Variants in CIPC observed in about 807,000 individuals in gnomAD.
CIPC encodes the protein CLOCK-interacting pacemaker.
In CIPC, 12 loss-of-function variants were observed where a neutral mutation model predicts 26.7. That is an observed-to-expected ratio of 0.45 (90% CI 0.29 to 0.73). The LOEUF (loss-of-function observed/expected upper bound fraction) is 0.73, where lower values mean the gene tolerates loss of function less well. Among genes scored for constraint, CIPC ranks in the 30% least tolerant of loss-of-function variants. The pLI is 0.12. For synonymous variants in CIPC, 170 were observed against 189.8 expected (o/e 0.90, Z 0.86); for missense variants, 417 against 486.5 (o/e 0.86, Z 1.34).
chr14:77,114,384 T>C lies in CIPC; in HGVS notation c.*66T>C. 1 of 1,467,362 alleles carries C rather than the reference T, an allele frequency of 6.8e-7. No individual in the cohort carries two copies. The highest frequency in any genetic ancestry group is 9.2e-7 in the Non-Finnish European group (1 of 1,088,446). The allele number at this position is 1,467,362 out of a possible 1,614,324, so 90.9% of individuals were successfully genotyped here. A position where few individuals can be genotyped will look rare whatever the true frequency, so the allele number is the denominator to read the frequency against. On this transcript the variant is annotated 3_prime_UTR_variant, in exon 4 of 4. Coordinates refer to ENST00000361786, the MANE Select transcript of CIPC (RefSeq NM_033426.3). ...GCTCATTTGCTGTTACCTACTCCTG[T>C]TTCCCAAAGCTTATGTAAGAGCTTT...
chr14:77,103,276 T>C (rs190937407), intron 1 of CIPC, among the ~76,000 whole-genome samples: 5 of 152,372 alleles, frequency 3.3e-5, no homozygotes, highest in Non-Finnish European at 1.5e-5. Context: ...CCTTGTCTTC[T>C]ATTTAATTTT....
intron 2 of CIPC, 39 bp from the exon 3 acceptor site, chr14:77,109,771 GTC>G: frequency 6.3e-7 from 1 of 1,582,638 alleles, no homozygotes; most frequent in Middle Eastern, 1.7e-4. Context: ...AGAGCCCCTA[GTC>G]TAGAGCCTGA....
intron 3 of CIPC, among the ~76,000 whole-genome samples, chr14:77,110,558 T>C (rs1234842372): frequency 6.6e-6 from 1 of 152,180 alleles, no homozygotes; most frequent in Non-Finnish European, 1.5e-5. Flanking sequence ...CACATCCTGT[T>C]TGGGGCTTTA....
At chr14:77,101,532 A>G (rs80309345) in intron 1 of CIPC, among the ~76,000 whole-genome samples, 5,823 of 152,268 alleles carry the variant, frequency 0.038, 158 homozygotes, top group Middle Eastern at 0.082. Flanking sequence ...ACTCCCCAGG[A>G]TCTAAATTTA....
In CIPC at chr14:77,109,806, C is replaced by T. The variant is rs1886658999; in HGVS notation, c.137-6C>T. 1 of 1,608,866 alleles carries T rather than the reference C, an allele frequency of 6.2e-7. No individual in the cohort carries two copies. Among genetic ancestry groups the T allele is most frequent in the Non-Finnish European group, 8.5e-7 (1 of 1,176,042 alleles). On this transcript the variant is annotated splice_polypyrimidine_tract_variant and splice_region_variant and intron_variant, in intron 2 of 3. Transcript: ENST00000361786. ...TGAGTGAGTTGACCATTCTTCTGCC[C>T]ACCAGATGGGAGCTCGGAATGTCTG...
Position 77,113,708 on chromosome 14 carries a change from T to G in CIPC, c.590T>G (p.Leu197Trp). 1 of 1,612,578 alleles carries G rather than the reference T, an allele frequency of 6.2e-7. No homozygotes were observed. Among genetic ancestry groups the G allele is most frequent in the East Asian group, 2.2e-5 (1 of 44,852 alleles). ...KICTERLGPS[L>W]SSSEPTKAGA... The stretch of plus-strand genomic sequence containing the variant: ...TGTACTGAGAGACTTGGGCCTAGCT[T>G]GTCTTCCAGTGAGCCAACCAAGGCT... Residue 197 changes from leucine (L) to tryptophan (W), a missense_variant, in exon 4 of 4, where the codon TTG (leucine) becomes TGG (tryptophan). Physicochemically the swap from Leu to Trp is moderately conservative, Grantham distance 61. Transcript: ENST00000361786.
At chr14:77,104,876 A>G (rs1012045543) in intron 1 of CIPC, among the ~76,000 whole-genome samples, 1 of 152,250 alleles carries the variant, frequency 6.6e-6, no homozygotes. Flanking sequence ...GTCCTTGCAC[A>G]ATGCCTGATT....
intron 1 of CIPC, among the ~76,000 whole-genome samples, chr14:77,103,567 C>T (rs1269922906): frequency 6.6e-6 from 1 of 152,194 alleles, no homozygotes; most frequent in African/African-American, 2.4e-5. Context: ...TCATGCTGGC[C>T]TTACAGTTGC....
At chr14:77,100,255 T>C (rs1394103781) in intron 1 of CIPC, among the ~76,000 whole-genome samples, 1 of 150,048 alleles carries the variant, frequency 6.7e-6, no homozygotes, top group Non-Finnish European at 1.5e-5. Flanking sequence ...TTTTTTTTTT[T>C]TTTTGAGACG....
At chr14:77,113,331 AT>A in intron 3 of CIPC, 93 bp from the exon 4 acceptor site, 1 of 1,327,434 alleles carries the variant, frequency 7.5e-7, no homozygotes, top group Non-Finnish European at 1.1e-6. Flanking sequence ...TGTTCTAAGC[AT>A]TTGAGTATCC....
chr14:77,114,439 C>A lies in CIPC; in HGVS notation c.*121C>A. The A allele has an allele frequency of 8.8e-7, 1 of 1,136,966 alleles. No individual in the cohort carries two copies. The highest frequency in any genetic ancestry group is 1.3e-6 in the Non-Finnish European group (1 of 797,538). The allele number at this position is 1,136,966 out of a possible 1,614,324, so 70.4% of individuals were successfully genotyped here. A position where few individuals can be genotyped will look rare whatever the true frequency, so the allele number is the denominator to read the frequency against. ...TCTAAACTTAAACTGTGTTGTGGTT[C>A]ACTTAGGAAGCCACGTGCCAATACC... On this transcript the variant is annotated 3_prime_UTR_variant, in exon 4 of 4. Transcript: ENST00000361786.
intron 1 of CIPC, among the ~76,000 whole-genome samples, chr14:77,105,354 G>A (rs994795122): frequency 9.3e-5 from 14 of 151,142 alleles, no homozygotes; most frequent in Admixed American, 2.0e-4. Flanking sequence ...AGTTCATTTC[G>A]TTACCCATTG....
At chr14:77,103,116 C>T (rs1886523521) in intron 1 of CIPC, among the ~76,000 whole-genome samples, 1 of 152,160 alleles carries the variant, frequency 6.6e-6, no homozygotes. Context: ...AATGAGGAAG[C>T]CAGTCCCCTT....
Position 77,113,446 on chromosome 14 carries a change from C to A in CIPC, c.328C>A (p.Gln110Lys). ...VKQGSSSSQL[Q>K]SWTVQPSFEV... ...TCAGGGCAGCAGCTCATCCCAGCTC[C>A]AGTCGTGGACTGTCCAGCCCTCCTT... The change falls in exon 4 of 4, where the codon CAG becomes AAG. Residue 110 changes from glutamine (Q) to lysine (K), a missense_variant. Gln to Lys is a moderately conservative substitution (Grantham distance 53). Coordinates refer to ENST00000361786, the MANE Select transcript of CIPC (RefSeq NM_033426.3). 6.2e-7 allele frequency: 1 copy of A among 1,614,168 alleles called. No individual in the cohort carries two copies. Among genetic ancestry groups the A allele is most frequent in the Non-Finnish European group, 8.5e-7 (1 of 1,180,036 alleles).
At chr14:77,108,376 A>G (rs1410207694) in intron 2 of CIPC, among the ~76,000 whole-genome samples, 1 of 152,210 alleles carries the variant, frequency 6.6e-6, no homozygotes, top group African/African-American at 2.4e-5. Context: ...CTTTGCCTGA[A>G]TCATTACATT....
intron 1 of CIPC, among the ~76,000 whole-genome samples, chr14:77,101,880 G>A (rs980144081): frequency 6.6e-6 from 1 of 152,242 alleles, no homozygotes; most frequent in East Asian, 1.9e-4. Flanking sequence ...GAGTCCAGGA[G>A]GTTGAGACCA....
chr14:77,113,925 A>T lies in CIPC; in HGVS notation c.807A>T (p.Ser269=). ...CCCCCGCCAGTCCTGTCTGCGCATC[A>T]GACAGCACTCTCCATGGGTTAGAGA... ...FASPASPVCA[S]DSTLHGLESN... is the part of the protein sequence containing the mutation. The change falls in exon 4 of 4, where the codon TCA becomes TCT. Residue 269 remains serine (S), a synonymous_variant. Transcript: ENST00000361786. The T allele has an allele frequency of 2.5e-6, 4 of 1,614,192 alleles. No individual in the cohort carries two copies. Among genetic ancestry groups the T allele is most frequent in the Non-Finnish European group, 3.4e-6 (4 of 1,180,048 alleles).
rs1326183133 is a variant in CIPC at position 77,113,575 on chromosome 14, T to G, written c.457T>G (p.Tyr153Asp). Residue 153 changes from tyrosine (Y) to aspartate (D), a missense_variant, in exon 4 of 4, where the codon TAC becomes GAC. Coordinates refer to ENST00000361786, the MANE Select transcript of CIPC (RefSeq NM_033426.3). The stretch of plus-strand genomic sequence containing the variant: ...TGAGAAAAAGTCCGACTCCAGGAAC[T>G]ACTTGCCCATTCTGAATTCTTACAC... ...TGEKKSDSRNYLPILNSYTKI... is the reference protein window; with the variant it reads ...TGEKKSDSRNDLPILNSYTKI... 1 of 1,614,238 alleles carries G rather than the reference T, an allele frequency of 6.2e-7. No individual in the cohort carries two copies. The highest frequency in any genetic ancestry group is 8.5e-7 in the Non-Finnish European group (1 of 1,180,040).
Position 77,114,586 on chromosome 14 carries a change from A to C in CIPC, c.*268A>C, listed in dbSNP as rs1203220392. ...TAGCCTGCAGGTGCTTCAATGGATC[A>C]TGGGGCAAAGCAGGAGATGATTGTG... On this transcript the variant is annotated 3_prime_UTR_variant, in exon 4 of 4. Coordinates refer to ENST00000361786, the MANE Select transcript of CIPC (RefSeq NM_033426.3). The C allele has an allele frequency of 2.5e-6, 1 of 398,804 alleles. No individual in the cohort carries two copies. The highest frequency in any genetic ancestry group is 4.6e-6 in the Non-Finnish European group (1 of 219,672). The allele number at this position is 398,804 out of a possible 1,614,324, so 24.7% of individuals were successfully genotyped here. A position where few individuals can be genotyped will look rare whatever the true frequency, so the allele number is the denominator to read the frequency against.
Sources: gnomAD v4.1 joint callset for allele counts (sites outside exome capture counted in the v4.1 genomes callset) on GRCh38, gnomAD v4.1.1 for gene constraint, MANE v1.5 for transcripts, NCBI Gene and HGNC (gene_info 2026-07-23, HGNC 2026-07-21) for gene names.